The following ASIC5 variants were observed in gnomAD, a reference collection of about 807,000 sequenced individuals.
ASIC5 encodes bile acid-sensitive ion channel.
ASIC5 carries 52 observed loss-of-function variants against 51.2 expected under a neutral mutation model. The ratio of observed to expected loss-of-function variants is 1.02; its 90% CI spans 0.81 to 1.28. ASIC5 has a LOEUF of 1.28. Ranked by LOEUF, ASIC5 falls within the 50% of genes most tolerant of loss-of-function variation. ASIC5 has a pLI of 0.00. For synonymous variants in ASIC5, 231 were observed against 200.7 expected, an observed-to-expected ratio of 1.15 and a Z score of -1.28; for missense variants, 635 against 595.0, an observed-to-expected ratio of 1.07 and a Z score of -0.70.
chr4:155,834,997 T>C (rs748117684), intron 8 of ASIC5, among the ~76,000 whole-genome samples: 6 of 152,018 alleles, frequency 3.9e-5, no homozygotes, highest in Non-Finnish European at 7.4e-5. Flanking sequence ...TCCTGATCCA[T>C]CTCACTGAGA....
At chr4:155,856,528 A>G (rs552456677) in intron 2 of ASIC5, among the ~76,000 whole-genome samples, 1 of 152,236 alleles carries the variant, frequency 6.6e-6, no homozygotes, top group African/African-American at 2.4e-5. Flanking sequence ...AAAACTCTGT[A>G]AATATCCTCC....
In ASIC5 at chr4:155,829,850, T is replaced by G; in HGVS notation, c.*6A>C. On this transcript the variant is annotated 3_prime_UTR_variant, in exon 10 of 10. Transcript: ENST00000537611. ...GAAAAGGAAACTATTTTATTCTAAG[T>G]GACCATTAACACTCCTCTATCCTAT... 1 of 1,498,192 alleles carries G rather than the reference T, an allele frequency of 6.7e-7. No individual in the cohort carries two copies. The highest frequency in any genetic ancestry group is 1.4e-5 in the South Asian group (1 of 71,838). The allele number at this position is 1,498,192 out of a possible 1,614,324, so 92.8% of individuals were successfully genotyped here.
At chr4:155,866,080 AT>A in intron 1 of ASIC5, 106 bp downstream of exon 1, 1 of 668,680 alleles carries the variant, frequency 1.5e-6, no homozygotes, top group East Asian at 2.7e-5. Flanking sequence ...TTCAAGTAAC[AT>A]TGGAAATCAA....
At chr4:155,841,419 T>C (rs974708457) in intron 6 of ASIC5, among the ~76,000 whole-genome samples, 34 of 152,106 alleles carry the variant, frequency 2.2e-4, no homozygotes, top group African/African-American at 7.5e-4. Context: ...CCTCCTCCAT[T>C]TGACAGCAGA....
intron 4 of ASIC5, among the ~76,000 whole-genome samples, chr4:155,848,924 ACTC>A (rs1265949377): frequency 6.6e-6 from 1 of 151,956 alleles, no homozygotes; most frequent in Non-Finnish European, 1.5e-5. Context: ...AATTTAGAAT[ACTC>A]CTATGAACAA....
At chr4:155,843,440 C>T (rs1412011522) in intron 5 of ASIC5, among the ~76,000 whole-genome samples, 1 of 151,990 alleles carries the variant, frequency 6.6e-6, no homozygotes, top group Non-Finnish European at 1.5e-5. Context: ...ACTTAATGAC[C>T]CTTTCCATTT....
At chr4:155,857,473 A>G (rs1741574248) in intron 2 of ASIC5, among the ~76,000 whole-genome samples, 2 of 152,096 alleles carry the variant, frequency 1.3e-5, no homozygotes, top group Admixed American at 1.3e-4. Context: ...TTTTCCTTTC[A>G]AAAACCTTGC....
Position 155,863,643 on chromosome 4 carries a change from T to C in ASIC5, c.152A>G (p.His51Arg), listed in dbSNP as rs757873762. The C allele has an allele frequency of 3.4e-5, 55 of 1,613,726 alleles. 1 individual carries two copies. In the South Asian group the frequency reaches 5.7e-4, roughly 17 times the overall value. The change falls in exon 2 of 10, where the codon CAC becomes CGC. Residue 51 changes from histidine (H) to arginine (R), a missense_variant. Coordinates refer to ENST00000537611, the MANE Select transcript of ASIC5 (RefSeq NM_017419.3). ...FAISTSFHGI[H>R]NIVQNRSKIR... The stretch of plus-strand genomic sequence containing the variant: ...TTTGCTCCGGTTCTGAACAATATTG[T>C]GTATCCCATGAAAGGAAGTGGAGAT...
intron 4 of ASIC5, among the ~76,000 whole-genome samples, chr4:155,851,605 G>T (rs1741383372): frequency 6.6e-6 from 1 of 152,028 alleles, no homozygotes; most frequent in Non-Finnish European, 1.5e-5. Flanking sequence ...GCTATACTAG[G>T]AACCCTTGAA....
At chr4:155,837,911 G>T (rs1560741500) in intron 7 of ASIC5, among the ~76,000 whole-genome samples, 2 of 151,864 alleles carry the variant, frequency 1.3e-5, no homozygotes, top group African/African-American at 2.4e-5. Context: ...TGCATGCATG[G>T]TTTTTTTCCC....
chr4:155,844,529 A>C (rs1215945382), intron 4 of ASIC5, among the ~76,000 whole-genome samples: 2 of 152,056 alleles, frequency 1.3e-5, no homozygotes, highest in Non-Finnish European at 2.9e-5. Context: ...TTCTGCTTAC[A>C]CTTAGAGCGC....
At chr4:155,848,342 T>C (rs943840713) in intron 4 of ASIC5, among the ~76,000 whole-genome samples, 1 of 152,076 alleles carries the variant, frequency 6.6e-6, no homozygotes, top group East Asian at 1.9e-4. Flanking sequence ...TTAGTTTCCC[T>C]AAAGTCCAAA....
intron 4 of ASIC5, among the ~76,000 whole-genome samples, chr4:155,849,596 C>A (rs908705272): frequency 6.6e-6 from 1 of 151,986 alleles, no homozygotes; most frequent in Non-Finnish European, 1.5e-5. Context: ...CTAGGGTACA[C>A]CTGTTGTTAG....
At chr4:155,836,643 A>AG (rs774580164) in intron 8 of ASIC5, 46 bp downstream of exon 8, 1 of 1,292,146 alleles carries the variant, frequency 7.7e-7, no homozygotes, top group Admixed American at 2.4e-5. Context: ...TAAAGAAAAA[A>AG]AAATCTATGT....
At chr4:155,862,324 G>C (rs897440331) in intron 2 of ASIC5, among the ~76,000 whole-genome samples, 2 of 152,022 alleles carry the variant, frequency 1.3e-5, no homozygotes, top group African/African-American at 4.8e-5. Flanking sequence ...TTGAACACCT[G>C]TTCTAGAAGT....
In ASIC5 at chr4:155,831,888, G is replaced by A. The variant is rs746695087; in HGVS notation, c.1263C>T (p.Asn421=). 2.5e-5 allele frequency: 40 copies of A among 1,600,368 alleles called. No individual in the cohort carries two copies. Among genetic ancestry groups the A allele is most frequent in the Non-Finnish European group, 3.0e-5 (35 of 1,169,232 alleles). The change falls in exon 9 of 10, where the codon AAC becomes AAT. Residue 421 remains asparagine (N), a synonymous_variant. Transcript: ENST00000537611. ...TTATCTTATAGTTTAGGTCACTATA[G>A]TTAATTTCAATTTTTACAAGATTCT... ...IRENLVKIEI[N]YSDLNYKITQ... is the part of the protein sequence containing the mutation.
chr4:155,833,812 T>C (rs1021380367), intron 8 of ASIC5, among the ~76,000 whole-genome samples: 1 of 152,224 alleles, frequency 6.6e-6, no homozygotes, highest in Admixed American at 6.5e-5. Context: ...AGTTGTTTTG[T>C]CCAATCATTT....
At chr4:155,848,948 A>C (rs532733973) in intron 4 of ASIC5, among the ~76,000 whole-genome samples, 213 of 152,214 alleles carry the variant, frequency 1.4e-3, no homozygotes, top group African/African-American at 3.5e-3. Flanking sequence ...AACGTGGAGC[A>C]TACTTTATCC....
intron 6 of ASIC5, among the ~76,000 whole-genome samples, 179 bp downstream of exon 6, chr4:155,842,028 A>C (rs1008413890): frequency 1.3e-5 from 2 of 152,196 alleles, no homozygotes; most frequent in African/African-American, 4.8e-5. Flanking sequence ...AAAGAGAAGG[A>C]ACAGGCTTAA....
Sources: allele counts gnomAD v4.1 joint callset (sites outside exome capture counted in the v4.1 genomes callset), GRCh38; gene constraint gnomAD v4.1.1; transcripts MANE v1.5; gene names NCBI Gene and HGNC (gene_info 2026-07-23, HGNC 2026-07-21).